The following GLYR1 variants were observed in gnomAD, a reference collection of about 807,000 sequenced individuals.
GLYR1 encodes cytokine-like nuclear factor N-PAC.
GLYR1 carries 21 observed loss-of-function variants against 72.7 expected under a neutral mutation model. That is an observed-to-expected ratio of 0.29 (90% CI 0.20 to 0.42). The LOEUF (loss-of-function observed/expected upper bound fraction) is 0.42. Ranked by LOEUF, GLYR1 falls within the 10% of genes least tolerant of loss-of-function variation. The pLI is 1.00. For missense variants in GLYR1, 594 were observed against 712.1 expected (o/e 0.83, Z 1.89); for synonymous variants, 392 against 270.2 (o/e 1.45, Z -4.42).
chr16:4,820,925 C>G (rs557457974), intron 9 of GLYR1, among the ~76,000 whole-genome samples: 1 of 152,262 alleles, frequency 6.6e-6, no homozygotes, highest in African/African-American at 2.4e-5. Context: ...TCCCTTCCCC[C>G]ACCTGCCCCA....
At chr16:4,837,680 T>G (rs929018721) in intron 3 of GLYR1, among the ~76,000 whole-genome samples, 2 of 151,914 alleles carry the variant, frequency 1.3e-5, no homozygotes, top group African/African-American at 4.8e-5. Context: ...GCCGGCACGG[T>G]AGCTCACGCC....
At position 4,847,257 on chromosome 16, in the gene GLYR1, A is replaced by G; in HGVS notation, c.9T>C (p.Ala3=). 6.2e-7 allele frequency: 1 copy of G among 1,609,874 alleles called. No homozygotes were observed. The highest frequency in any genetic ancestry group is 8.5e-7 in the Non-Finnish European group (1 of 1,178,924). Residue 3 remains alanine (A), a synonymous_variant, in exon 1 of 16, where the codon GCT becomes GCC. Transcript: ENST00000321919. MA[A]VSLRLGDLVW... is the part of the protein sequence containing the mutation. ...CCAAGTCGCCGAGCCGCAGACTCAC[A>G]GCCGCCATCTTACCACCCAACCACC...
rs887425507 is a variant in GLYR1, at chr16:4,823,810, G to A, written c.624+11C>T. 17 of 1,611,674 alleles carry A rather than the reference G, an allele frequency of 1.1e-5. No homozygotes were observed. The highest frequency in any genetic ancestry group is 8.0e-5 in the African/African-American group (6 of 74,582). On this transcript the variant is annotated intron_variant, in intron 6 of 15. Coordinates refer to ENST00000321919, the MANE Select transcript of GLYR1 (RefSeq NM_032569.4). Reference sequence around the variant, plus strand: ...GCCACAGCTTGTCCTGCCTGCAGGAGAGCTCCTTACCTCGCTTGCGGTTGG... The same window carrying A: ...GCCACAGCTTGTCCTGCCTGCAGGAAAGCTCCTTACCTCGCTTGCGGTTGG...
In GLYR1 at chr16:4,835,993, T is replaced by A. The variant is rs935722093; in HGVS notation, c.156-3081A>T. 3.3e-5 allele frequency among the ~76,000 whole-genome samples: 5 copies of A among 152,152 alleles called. No individual in the cohort carries two copies. The East Asian group carries it at 5.8e-4, about 18-fold the overall frequency. ...AAATTTATTTTTTATAGAGATGGGG[T>A]TCACCATGTTGCCCAGGTTGGTCTC... On this transcript the variant is annotated intron_variant, in intron 3 of 15. Transcript: ENST00000321919.
intron 1 of GLYR1, 22 bp from the exon 2 acceptor site, chr16:4,846,232 A>T (rs1183090189): frequency 6.2e-7 from 1 of 1,613,768 alleles, no homozygotes; most frequent in South Asian, 1.1e-5. Flanking sequence ...ACAAAGAGTC[A>T]ACACTTGCCC....
chr16:4,846,730 TC>T (rs889675129), intron 1 of GLYR1: 3 of 219,596 alleles, frequency 1.4e-5, no homozygotes, highest in Non-Finnish European at 2.8e-5. Context: ...AAAGGAGAAG[TC>T]CCCCCGCCGT....
At chr16:4,845,686 A>T (rs2085969281) in intron 2 of GLYR1, among the ~76,000 whole-genome samples, 1 of 152,214 alleles carries the variant, frequency 6.6e-6, no homozygotes, top group Non-Finnish European at 1.5e-5. Flanking sequence ...GAATATAAAA[A>T]CACAACATTT....
intron 9 of GLYR1, among the ~76,000 whole-genome samples, chr16:4,819,612 T>C (rs2083884999): frequency 1.3e-5 from 2 of 152,196 alleles, no homozygotes; most frequent in African/African-American, 4.8e-5. Context: ...CGCTTGGCCA[T>C]GTTTTCAATT....
chr16:4,832,651 T>C lies in GLYR1; in HGVS notation c.294+123A>G, dbSNP rs139379904. 568 of 1,145,902 alleles carry C rather than the reference T, an allele frequency of 5.0e-4. 1 individual carries two copies. The highest frequency in any genetic ancestry group is 6.4e-4 in the Non-Finnish European group (520 of 809,786). 71.0% of individuals were successfully genotyped at this position (1,145,902 alleles called of 1,614,324 possible). A position where few individuals can be genotyped will look rare whatever the true frequency, so the allele number is the denominator to read the frequency against. ...AAACGCTGACACCTTAGAACTGAAGTAGCTTTCTCCAGTAGCATTTCAGAA... is the reference window on the plus strand; with the variant it reads ...AAACGCTGACACCTTAGAACTGAAGCAGCTTTCTCCAGTAGCATTTCAGAA... On this transcript the variant is annotated intron_variant, in intron 4 of 15. Coordinates refer to ENST00000321919, the MANE Select transcript of GLYR1 (RefSeq NM_032569.4).
intron 3 of GLYR1, chr16:4,839,778 G>C (rs558269431): frequency 6.6e-6 from 1 of 152,198 alleles, no homozygotes; most frequent in South Asian, 2.1e-4. Flanking sequence ...TGATTATCTT[G>C]TCATAAGGAG....
Position 4,833,563 on chromosome 16 carries a change from G to T in GLYR1, c.156-651C>A, listed in dbSNP as rs188652105. On this transcript the variant is annotated intron_variant, in intron 3 of 15. Coordinates refer to ENST00000321919, the MANE Select transcript of GLYR1 (RefSeq NM_032569.4). ...TGGCTACTAAACCACACAAAACACG[G>T]AACACATGGTTTGGAATAAGGGCAG... Among the ~76,000 whole-genome samples the T allele has an allele frequency of 2.6e-5, 4 of 151,106 alleles. No individual in the cohort carries two copies. In the East Asian group the frequency reaches 7.8e-4, roughly 29 times the overall value.
intron 5 of GLYR1, among the ~76,000 whole-genome samples, chr16:4,825,411 C>G (rs948027963): frequency 6.6e-6 from 1 of 152,210 alleles, no homozygotes; most frequent in African/African-American, 2.4e-5. Flanking sequence ...TTGGAACGTT[C>G]TTCTGACAGT....
chr16:4,811,034 G>T, intron 15 of GLYR1, 136 bp downstream of exon 15: 1 of 1,067,336 alleles, frequency 9.4e-7, no homozygotes, highest in Non-Finnish European at 1.3e-6. Flanking sequence ...GAAACCAGGA[G>T]GCGGAGGTTG....
intron 15 of GLYR1, among the ~76,000 whole-genome samples, chr16:4,807,382 A>G (rs1049491163): frequency 6.6e-6 from 1 of 152,040 alleles, no homozygotes. Flanking sequence ...CAAAGTGTTG[A>G]GATTATAGGT....
chr16:4,807,237 G>C (rs1019495516), intron 15 of GLYR1, among the ~76,000 whole-genome samples: 1 of 151,468 alleles, frequency 6.6e-6, no homozygotes, highest in Non-Finnish European at 1.5e-5. Context: ...CCAGCCTCCG[G>C]AGTAGCTGGC....
At chr16:4,847,050 C>G in intron 1 of GLYR1, 178 bp downstream of exon 1, 1 of 600,140 alleles carries the variant, frequency 1.7e-6, no homozygotes, top group Non-Finnish European at 2.9e-6. Flanking sequence ...CGGCCTCGGT[C>G]CCCCGGGACT....
Position 4,817,671 on chromosome 16 carries a change from A to G in GLYR1, c.833T>C (p.Met278Thr). ...KKIGFLGLGL[M>T]GSGIVSNLLK... ...CAAGTTGGAGACGATTCCACTTCCC[A>G]TGAGACCAAGGCCCAAAAATCCTAT... The change falls in exon 10 of 16, where the codon ATG becomes ACG. Residue 278 changes from methionine (M) to threonine (T), a missense_variant. By Grantham distance (81) the Met-to-Thr change is moderately conservative. Transcript: ENST00000321919. 2 of 1,613,108 alleles carry G rather than the reference A, an allele frequency of 1.2e-6. No individual in the cohort carries two copies. Among genetic ancestry groups the G allele is most frequent in the Non-Finnish European group, 1.7e-6 (2 of 1,179,180 alleles).
intron 5 of GLYR1, among the ~76,000 whole-genome samples, chr16:4,830,817 C>T (rs967105107): frequency 6.6e-6 from 1 of 152,228 alleles, no homozygotes; most frequent in Non-Finnish European, 1.5e-5. Flanking sequence ...CTAGCTCCTC[C>T]TGCTCCTTCC....
intron 12 of GLYR1, among the ~76,000 whole-genome samples, chr16:4,812,721 G>C (rs2083391282): frequency 6.6e-6 from 1 of 151,882 alleles, no homozygotes; most frequent in African/African-American, 2.4e-5. Context: ...TTGATCTCCT[G>C]ACCTTGTGAT....
Sources: gnomAD v4.1 joint callset for allele counts (sites outside exome capture counted in the v4.1 genomes callset) on GRCh38, gnomAD v4.1.1 for gene constraint, MANE v1.5 for transcripts, NCBI Gene and HGNC (gene_info 2026-07-23, HGNC 2026-07-21) for gene names.